Variants in CCDC170 observed in about 807,000 individuals in gnomAD.
CCDC170 encodes coiled-coil domain-containing protein 170.
In CCDC170, 69 loss-of-function variants were observed where a neutral mutation model predicts 72.6. The observed-to-expected ratio is 0.95, with a 90% CI of 0.78 to 1.16. The LOEUF is 1.16. Among genes scored for constraint, CCDC170 ranks in the 50% most tolerant of loss-of-function variants. CCDC170 has a pLI of 0.00. For missense variants in CCDC170, 852 were observed against 832.5 expected, an observed-to-expected ratio of 1.02 and a Z score of -0.29; for synonymous variants, 300 against 303.9, an observed-to-expected ratio of 0.99 and a Z score of 0.13.
At chr6:151,537,921 AT>A in intron 2 of CCDC170, 123 bp from the exon 3 acceptor site, 7 of 948,756 alleles carry the variant, frequency 7.4e-6, no homozygotes, top group Non-Finnish European at 1.1e-5. Flanking sequence ...TAGAAAAAAA[AT>A]AAAGTTAGAT....
At chr6:151,583,451 G>T (rs1776407242) in intron 6 of CCDC170, among the ~76,000 whole-genome samples, 1 of 151,850 alleles carries the variant, frequency 6.6e-6, no homozygotes, top group Non-Finnish European at 1.5e-5. Context: ...TGAGAGAAGT[G>T]CGACTCTTCG....
At chr6:151,533,849 C>T (rs945201546) in intron 1 of CCDC170, among the ~76,000 whole-genome samples, 1 of 152,092 alleles carries the variant, frequency 6.6e-6, no homozygotes, top group Non-Finnish European at 1.5e-5. Flanking sequence ...ACTGTCAGCT[C>T]ATTGCCTGAT....
intron 8 of CCDC170, 121 bp downstream of exon 8, chr6:151,593,401 TG>T: frequency 9.5e-7 from 1 of 1,054,134 alleles, no homozygotes; most frequent in Non-Finnish European, 1.3e-6. Context: ...TATAAAAATA[TG>T]TATTTAGAAT....
At chr6:151,577,781 C>T (rs1421137607) in intron 6 of CCDC170, among the ~76,000 whole-genome samples, 6 of 152,216 alleles carry the variant, frequency 3.9e-5, no homozygotes. Flanking sequence ...GTCAGATCAG[C>T]AGCGGCATTA....
At chr6:151,607,376 T>G (rs571229877) in intron 9 of CCDC170, among the ~76,000 whole-genome samples, 9 of 152,366 alleles carry the variant, frequency 5.9e-5, no homozygotes, top group African/African-American at 1.9e-4. Flanking sequence ...CCTCTCTTAT[T>G]GTTTATCTTC....
intron 1 of CCDC170, among the ~76,000 whole-genome samples, chr6:151,506,706 T>C (rs1040031245): frequency 6.6e-6 from 1 of 152,174 alleles, no homozygotes; most frequent in South Asian, 2.1e-4. Flanking sequence ...TGCTGGGAAG[T>C]TTTTTTGGTT....
chr6:151,536,526 C>G, intron 2 of CCDC170, 80 bp downstream of exon 2: 1 of 1,528,190 alleles, frequency 6.5e-7, no homozygotes, highest in Non-Finnish European at 9.0e-7. Flanking sequence ...CCTGTAATCC[C>G]AGCACTTTGG....
chr6:151,553,948 A>G (rs2115064475), intron 5 of CCDC170, among the ~76,000 whole-genome samples: 1 of 152,132 alleles, frequency 6.6e-6, no homozygotes, highest in Non-Finnish European at 1.5e-5. Context: ...GAAGGACTGC[A>G]GAAGTAGAAG....
At chr6:151,588,301 G>A (rs906055016) in intron 7 of CCDC170, among the ~76,000 whole-genome samples, 1 of 28,672 alleles carries the variant, frequency 3.5e-5, no homozygotes, top group Admixed American at 4.4e-4. Flanking sequence ...TAGCTGATAA[G>A]CTAAAACAAA....
intron 5 of CCDC170, among the ~76,000 whole-genome samples, chr6:151,551,129 C>T (rs1782871910): frequency 6.6e-6 from 1 of 152,128 alleles, no homozygotes; most frequent in Non-Finnish European, 1.5e-5. Flanking sequence ...ACCCACCATC[C>T]ACCCAGATGC....
chr6:151,524,132 G>A (rs962836469), intron 1 of CCDC170, among the ~76,000 whole-genome samples: 1 of 152,214 alleles, frequency 6.6e-6, no homozygotes, highest in African/African-American at 2.4e-5. Context: ...TAGTGCACAT[G>A]TGGGCGCTTA....
intron 1 of CCDC170, among the ~76,000 whole-genome samples, chr6:151,516,176 T>C (rs1782233077): frequency 6.6e-6 from 1 of 152,212 alleles, no homozygotes; most frequent in Non-Finnish European, 1.5e-5. Flanking sequence ...TGGAATTTGG[T>C]ATCTTATTGC....
chr6:151,509,078 T>C (rs1782105584), intron 1 of CCDC170, among the ~76,000 whole-genome samples: 1 of 151,100 alleles, frequency 6.6e-6, no homozygotes, highest in Non-Finnish European at 1.5e-5. Flanking sequence ...CATTTTAAAC[T>C]AAAATTTATC....
At chr6:151,496,266 T>C (rs1397761289) in intron 1 of CCDC170, among the ~76,000 whole-genome samples, 1 of 152,332 alleles carries the variant, frequency 6.6e-6, no homozygotes, top group East Asian at 1.9e-4. Flanking sequence ...TGTCCCCAGC[T>C]GGTGGCCTCT....
chr6:151,541,765 C>T (rs530333581), intron 3 of CCDC170, among the ~76,000 whole-genome samples: 1 of 147,832 alleles, frequency 6.8e-6, no homozygotes, highest in African/African-American at 2.5e-5. Context: ...AAATCATATA[C>T]AAATGACTTT....
chr6:151,615,860 T>A (rs1426698194), intron 10 of CCDC170, 181 bp downstream of exon 10: 17 of 585,024 alleles, frequency 2.9e-5, no homozygotes, highest in Non-Finnish European at 4.5e-5. Flanking sequence ...TGTTAACACA[T>A]GTGCTCCCGA....
chr6:151,497,952 CA>C (rs59201906), intron 1 of CCDC170, among the ~76,000 whole-genome samples: 11,484 of 58,244 alleles, frequency 0.2, 243 homozygotes, highest in African/African-American at 0.29. Context: ...CACACCATCT[CA>C]AAAAAAAAAA....
intron 6 of CCDC170, among the ~76,000 whole-genome samples, chr6:151,580,892 C>T (rs1776370476): frequency 6.6e-6 from 1 of 152,116 alleles, no homozygotes; most frequent in Non-Finnish European, 1.5e-5. Context: ...TTTGGTTTCT[C>T]AGTGCATATA....
At chr6:151,533,572 C>A (rs1158362771) in intron 1 of CCDC170, among the ~76,000 whole-genome samples, 1 of 151,466 alleles carries the variant, frequency 6.6e-6, no homozygotes, top group East Asian at 2.0e-4. Context: ...GAGGCTGAGG[C>A]AGGAGAATCG....
Sources: allele counts gnomAD v4.1 joint callset (sites outside exome capture counted in the v4.1 genomes callset), GRCh38; gene constraint gnomAD v4.1.1; transcripts MANE v1.5; gene names NCBI Gene and HGNC (gene_info 2026-07-23, HGNC 2026-07-21).